CEP72: variants seen among roughly 807,000 people sequenced by gnomAD.
CEP72 encodes centrosomal protein 72, also known as centrosomal protein of 72 kDa.
CEP72 carries 78 observed loss-of-function variants against 65.7 expected under a neutral mutation model. The ratio of observed to expected loss-of-function variants is 1.19; its 90% CI spans 0.99 to 1.43. The LOEUF (loss-of-function observed/expected upper bound fraction) is 1.43, where lower values mean the gene tolerates loss of function less well. Among genes scored for constraint, CEP72 ranks in the 40% most tolerant of loss-of-function variants. CEP72 has a pLI of 0.00. For synonymous variants in CEP72, 358 were observed against 351.7 expected (o/e 1.02, Z -0.20); for missense variants, 914 against 832.9 (o/e 1.10, Z -1.20).
intron 3 of CEP72, among the ~76,000 whole-genome samples, chr5:622,577 C>T (rs745831355): frequency 5.6e-4 from 86 of 152,268 alleles, no homozygotes; most frequent in Non-Finnish European, 7.6e-4. Context: ...ACAGGCCCTG[C>T]GGCTGGGCTT....
intron 5 of CEP72, 120 bp from the exon 6 acceptor site, chr5:635,252 G>A (rs1366233801): frequency 1.2e-5 from 9 of 729,198 alleles, no homozygotes; most frequent in East Asian, 2.7e-5. Context: ...CACCCAGCAC[G>A]TGATTAACCC....
intron 2 of CEP72, 30 bp downstream of exon 2, chr5:619,147 A>G: frequency 6.2e-7 from 1 of 1,600,092 alleles, no homozygotes; most frequent in Non-Finnish European, 8.6e-7. Context: ...CTTAAAATTT[A>G]TTGCTATCAA....
chr5:652,055 G>A (rs1212673525), intron 11 of CEP72, among the ~76,000 whole-genome samples: 1 of 152,206 alleles, frequency 6.6e-6, no homozygotes, highest in Non-Finnish European at 1.5e-5. Context: ...AGGAGATGCA[G>A]CGGAGCAGAA....
At chr5:671,209 T>A (rs1740211009), downstream of CEP72, among the ~76,000 whole-genome samples, 1 of 151,744 alleles carries the variant, frequency 6.6e-6, no homozygotes, top group East Asian at 1.9e-4. Flanking sequence ...TGCTGCTAAT[T>A]AATTTTGCGT....
intron 1 of CEP72, among the ~76,000 whole-genome samples, chr5:614,831 G>A (rs1735890753): frequency 6.6e-6 from 1 of 152,170 alleles, no homozygotes; most frequent in Non-Finnish European, 1.5e-5. Flanking sequence ...GTTGTTGAAT[G>A]TTCCAGGTGC....
chr5:636,004 C>G (rs1273054889), intron 6 of CEP72, among the ~76,000 whole-genome samples: 1 of 152,248 alleles, frequency 6.6e-6, no homozygotes, highest in Admixed American at 6.5e-5. Context: ...TCCTGCCTCC[C>G]TGAGGGCTGG....
chr5:641,646 C>T lies in CEP72; in HGVS notation c.1539+1042C>T, dbSNP rs925746118. The T allele has an allele frequency of 4.8e-5, 47 of 982,964 alleles. No homozygotes were observed. In the Admixed American group the frequency reaches 2.9e-3, roughly 61 times the overall value. 60.9% of individuals were successfully genotyped at this position (982,964 alleles called of 1,614,324 possible). Reference sequence around the variant, plus strand: ...GCCTCTGTATTTAAACACATGTGGGCCTCCTCCATCTGGAAGCCTCTGTAT... The same window carrying T: ...GCCTCTGTATTTAAACACATGTGGGTCTCCTCCATCTGGAAGCCTCTGTAT... On this transcript the variant is annotated intron_variant, in intron 9 of 11. Coordinates refer to ENST00000264935, the MANE Select transcript of CEP72 (RefSeq NM_018140.4).
chr5:626,383 A>T (rs943094102), intron 4 of CEP72, among the ~76,000 whole-genome samples: 3 of 152,174 alleles, frequency 2.0e-5, no homozygotes, highest in Non-Finnish European at 4.4e-5. Flanking sequence ...TGTTGTCTTC[A>T]TGCGGAGAAG....
rs1199951174 is a variant in CEP72, at chr5:645,336, G to A, written c.1666+911G>A. Among the ~76,000 whole-genome samples, 1 of 151,912 alleles carries A rather than the reference G, an allele frequency of 6.6e-6. No individual in the cohort carries two copies. The highest frequency in any genetic ancestry group is 2.4e-5 in the African/African-American group (1 of 41,330). ...TTTATCGAGCGGTAAGAGTTCCTTA[G>A]AGTCTTCTTTTTTATTTATAAATTT... On this transcript the variant is annotated intron_variant, in intron 10 of 11. Coordinates refer to ENST00000264935, the MANE Select transcript of CEP72 (RefSeq NM_018140.4). The surrounding 1 kb of genome is among the most constrained non-coding windows in gnomAD (Gnocchi z 4.0).
chr5:638,965 G>A, intron 7 of CEP72, 124 bp from the exon 8 acceptor site: 1 of 1,262,182 alleles, frequency 7.9e-7, no homozygotes, highest in Non-Finnish European at 1.1e-6. Context: ...TCAGGGCTGG[G>A]GCCTCAGGGC....
rs940099264 is a variant in CEP72, at chr5:623,229, C to T, written c.404-1242C>T. On this transcript the variant is annotated intron_variant, in intron 3 of 11. Coordinates refer to ENST00000264935, the MANE Select transcript of CEP72 (RefSeq NM_018140.4). This position sits in a 1 kb window ranked among gnomAD's most constrained non-coding sequence, Gnocchi z 5.3. ...TGTTTCTACAGAGAAGGAGCACAAC[C>T]GTCTCCCCGCATGTGAGAGATGCTT... Among the ~76,000 whole-genome samples the T allele has an allele frequency of 1.2e-4, 19 of 152,238 alleles. No homozygotes were observed. The highest frequency in any genetic ancestry group is 4.3e-4 in the African/African-American group (18 of 41,470).
the CEP72 span, among the ~76,000 whole-genome samples, chr5:673,959 G>T: frequency 6.6e-6 from 1 of 152,246 alleles, no homozygotes; most frequent in Non-Finnish European, 1.5e-5. Context: ...GTGCACATGC[G>T]GCCATGTGCA....
chr5:616,132 G>A (rs537556214), intron 1 of CEP72, among the ~76,000 whole-genome samples: 11 of 152,116 alleles, frequency 7.2e-5, no homozygotes, highest in African/African-American at 2.4e-4. Flanking sequence ...CGATGCTCTA[G>A]GTTTCTTTCG....
chr5:651,828 CT>C (rs751520705), intron 11 of CEP72, among the ~76,000 whole-genome samples: 1 of 151,756 alleles, frequency 6.6e-6, no homozygotes, highest in East Asian at 1.9e-4. Flanking sequence ...TCCCCTCCCC[CT>C]TTCATTCCCT....
intron 5 of CEP72, among the ~76,000 whole-genome samples, 185 bp downstream of exon 5, chr5:634,132 A>C (rs930865816): frequency 2.0e-5 from 3 of 152,258 alleles, no homozygotes; most frequent in African/African-American, 7.2e-5. Flanking sequence ...ATAAATGAGA[A>C]AGTTAACATA....
At chr5:675,186 ACGGTGTGGCCAGGGGTT>A in the CEP72 span, among the ~76,000 whole-genome samples, 1 of 49,064 alleles carries the variant, frequency 2.0e-5, no homozygotes, top group East Asian at 8.3e-4. Flanking sequence ...CATGGAGGGT[ACGGTGTGGCCAGGGGTT>A]CAGTGTAGCC....
At chr5:664,651 C>A (rs558845329) in intron 2 of CEP72, 1 of 170,414 alleles carries the variant, frequency 5.9e-6, no homozygotes, top group South Asian at 1.5e-4. Context: ...ACACCTCCCA[C>A]GTCCGGTGTG....
At chr5:664,853 G>A (rs1308034879) in intron 2 of CEP72, 14 of 523,238 alleles carry the variant, frequency 2.7e-5, no homozygotes, top group Non-Finnish European at 4.8e-5. Flanking sequence ...CTTTGGAAAT[G>A]GCTGAGGACG....
downstream of CEP72, among the ~76,000 whole-genome samples, chr5:653,986 T>C (rs536151848): frequency 6.6e-6 from 1 of 151,704 alleles, no homozygotes; most frequent in Non-Finnish European, 1.5e-5. Flanking sequence ...GCTGTGTGTG[T>C]GTGTGCCCTT....
Sources: allele counts gnomAD v4.1 joint callset (sites outside exome capture counted in the v4.1 genomes callset), GRCh38; gene constraint gnomAD v4.1.1; non-coding constraint Gnocchi (gnomAD v3.1); transcripts MANE v1.5; gene names NCBI Gene and HGNC (gene_info 2026-07-23, HGNC 2026-07-21).